Variants in CCDC91 observed in about 807,000 individuals in gnomAD.
CCDC91 encodes the protein coiled-coil domain-containing protein 91.
A neutral mutation model predicts 63.2 loss-of-function variants in CCDC91; 48 were observed. The observed-to-expected ratio is 0.76, with a 90% CI of 0.60 to 0.97. The LOEUF (loss-of-function observed/expected upper bound fraction) is 0.97, where lower values mean the gene tolerates loss of function less well. CCDC91 is among the 50% of genes least tolerant of loss of function. CCDC91 has a pLI of 0.00. For missense variants in CCDC91, 500 were observed against 494.6 expected, an observed-to-expected ratio of 1.01 and a Z score of -0.10; for synonymous variants, 167 against 165.8, an observed-to-expected ratio of 1.01 and a Z score of -0.06.
intron 8 of CCDC91, chr12:28,412,663 A>AG: frequency 2.4e-6 from 1 of 424,226 alleles, no homozygotes; most frequent in South Asian, 1.7e-5. Flanking sequence ...AGAGCATGGA[A>AG]GGGGACCTGA....
intron 1 of CCDC91, among the ~76,000 whole-genome samples, chr12:28,232,467 A>G (rs1267552783): frequency 1.3e-5 from 2 of 152,072 alleles, no homozygotes; most frequent in Admixed American, 6.6e-5. Context: ...TGCCTTGAGC[A>G]TAGGGGTTAC....
At chr12:28,200,755 T>C (rs1239408614) in intron 1 of CCDC91, among the ~76,000 whole-genome samples, 3 of 151,456 alleles carry the variant, frequency 2.0e-5, no homozygotes, top group African/African-American at 7.3e-5. Context: ...AAAACCGCCA[T>C]TGTCATCATG....
intron 1 of CCDC91, among the ~76,000 whole-genome samples, chr12:28,255,356 T>A (rs1320269386): frequency 6.6e-6 from 1 of 152,202 alleles, no homozygotes; most frequent in Admixed American, 6.6e-5. Context: ...GCTAAAAATT[T>A]TTTGTTTCTT....
At chr12:28,309,730 TG>T (rs1463248571) in intron 6 of CCDC91, among the ~76,000 whole-genome samples, 1 of 152,090 alleles carries the variant, frequency 6.6e-6, no homozygotes, top group East Asian at 1.9e-4. Context: ...GGTATTTACA[TG>T]AGTCAGATTA....
chr12:28,407,391 A>G (rs182408804), intron 8 of CCDC91, among the ~76,000 whole-genome samples: 29 of 152,244 alleles, frequency 1.9e-4, no homozygotes, highest in Admixed American at 1.6e-3. Context: ...CTATTTGTCA[A>G]ACTTTACTCC....
intron 6 of CCDC91, among the ~76,000 whole-genome samples, chr12:28,328,006 AAT>A (rs1941171563): frequency 6.6e-6 from 1 of 152,118 alleles, no homozygotes. Context: ...CCCCCTGTGT[AAT>A]ATATTCTTGG....
chr12:28,487,117 A>G (rs1476230726), intron 12 of CCDC91, among the ~76,000 whole-genome samples: 1 of 151,786 alleles, frequency 6.6e-6, no homozygotes, highest in Non-Finnish European at 1.5e-5. Context: ...CTAAAATTTT[A>G]TTTCTCTTCT....
At chr12:28,273,897 TG>T (rs1947987924) in intron 3 of CCDC91, among the ~76,000 whole-genome samples, 1 of 152,174 alleles carries the variant, frequency 6.6e-6, no homozygotes. Flanking sequence ...TCGGTGTTTT[TG>T]ACATGAAGTC....
chr12:28,196,494 A>G (rs565784520), intron 1 of CCDC91, among the ~76,000 whole-genome samples: 35 of 152,336 alleles, frequency 2.3e-4, no homozygotes, highest in Middle Eastern at 3.4e-3. Context: ...TAACTAGAAC[A>G]AGTCAGATCA....
intron 7 of CCDC91, among the ~76,000 whole-genome samples, chr12:28,368,784 G>A (rs1661459140): frequency 6.6e-6 from 1 of 152,036 alleles, no homozygotes; most frequent in Non-Finnish European, 1.5e-5. Context: ...GAAGGTGAAG[G>A]AGAAGCAAGC....
At chr12:28,267,804 A>T (rs1387841256) in intron 3 of CCDC91, among the ~76,000 whole-genome samples, 49 of 27,574 alleles carry the variant, frequency 1.8e-3, no homozygotes, top group African/African-American at 3.3e-3. Context: ...ATAATTATAT[A>T]GTAATATATA....
intron 8 of CCDC91, among the ~76,000 whole-genome samples, chr12:28,444,510 C>A (rs775698174): frequency 5.3e-5 from 8 of 152,122 alleles, no homozygotes; most frequent in Non-Finnish European, 8.8e-5. Context: ...ATTAAAAAGA[C>A]AAGATCACGT....
intron 1 of CCDC91, among the ~76,000 whole-genome samples, chr12:28,203,481 G>T (rs2169753): frequency 0.56 from 85,674 of 151,946 alleles, 24,308 homozygotes; most frequent in East Asian, 0.61. Flanking sequence ...GTATACAGCT[G>T]CATATAAGAG....
chr12:28,244,494 C>CTTTTTTTTTTTTT (rs3064681), intron 1 of CCDC91, among the ~76,000 whole-genome samples: 3 of 38,406 alleles, frequency 7.8e-5, no homozygotes, highest in African/African-American at 2.3e-4. Context: ...TAGAAGAAGG[C>CTTTTTTTTTTTTT]TTTTTTTTTT....
chr12:28,341,273 T>G (rs1016980826), intron 6 of CCDC91, among the ~76,000 whole-genome samples: 2 of 152,096 alleles, frequency 1.3e-5, no homozygotes, highest in African/African-American at 4.8e-5. Context: ...TCTTGGGAGA[T>G]GCAACATTTG....
intron 12 of CCDC91, among the ~76,000 whole-genome samples, chr12:28,535,539 T>C (rs1159721415): frequency 6.6e-6 from 1 of 152,172 alleles, no homozygotes; most frequent in Non-Finnish European, 1.5e-5. Flanking sequence ...TCATATGGTA[T>C]TTTAGTGGCA....
chr12:28,488,775 C>T (rs1268840348), intron 12 of CCDC91, among the ~76,000 whole-genome samples: 1 of 151,796 alleles, frequency 6.6e-6, no homozygotes, highest in East Asian at 1.9e-4. Context: ...TATATTTAAT[C>T]TTTCTGTGGA....
At chr12:28,227,912 T>G (rs1181656025) in intron 1 of CCDC91, among the ~76,000 whole-genome samples, 2 of 152,084 alleles carry the variant, frequency 1.3e-5, no homozygotes, top group Non-Finnish European at 2.9e-5. Flanking sequence ...GTTTTCTTAT[T>G]GAAAAAGAGG....
intron 7 of CCDC91, among the ~76,000 whole-genome samples, chr12:28,384,481 A>G (rs763111659): frequency 2.0e-4 from 31 of 152,174 alleles, no homozygotes; most frequent in Non-Finnish European, 4.0e-4. Context: ...TCAATGCTAC[A>G]TATTTTCATT....
Sources: allele counts gnomAD v4.1 joint callset (sites outside exome capture counted in the v4.1 genomes callset), GRCh38; gene constraint gnomAD v4.1.1; transcripts MANE v1.5; gene names NCBI Gene and HGNC (gene_info 2026-07-23, HGNC 2026-07-21).